PTPRT: variants seen among roughly 807,000 people sequenced by gnomAD.
PTPRT encodes the protein receptor-type tyrosine-protein phosphatase T.
PTPRT carries 56 observed loss-of-function variants against 176.8 expected under a neutral mutation model. The observed-to-expected ratio is 0.32, with a 90% CI of 0.26 to 0.40. PTPRT has a LOEUF of 0.40. PTPRT is among the 10% of genes least tolerant of loss of function. The pLI, the probability that PTPRT is intolerant of heterozygous loss-of-function variation, is 1.00. For synonymous variants in PTPRT, 783 were observed against 739.0 expected (o/e 1.06, Z -0.96); for missense variants, 1,540 against 1,908.2 (o/e 0.81, Z 3.60).
intron 15 of PTPRT, among the ~76,000 whole-genome samples, chr20:42,204,958 T>C (rs1230415061): frequency 2.0e-5 from 3 of 150,258 alleles, no homozygotes; most frequent in Admixed American, 1.3e-4. Flanking sequence ...GTTGGCTTGA[T>C]ACAACGAAGG....
intron 7 of PTPRT, among the ~76,000 whole-genome samples, chr20:42,585,179 C>T (rs1413622005): frequency 3.3e-5 from 5 of 152,284 alleles, no homozygotes; most frequent in Middle Eastern, 3.4e-3. Context: ...AAAGTAAGTT[C>T]CTTGACAGCA....
In PTPRT at chr20:43,068,854, A is replaced by C. The variant is rs2011146720; in HGVS notation, c.88+120792T>G. Among the ~76,000 whole-genome samples, 4 of 152,190 alleles carry C rather than the reference A, an allele frequency of 2.6e-5. 1 individual carries two copies. The South Asian group carries it at 8.3e-4, about 32-fold the overall frequency. On this transcript the variant is annotated intron_variant, in intron 1 of 30. Transcript: ENST00000373187. ...CCATGGAAAGGGTACAGTCAGTGGC[A>C]CCAAATGCTCCAAAAGCATGGAGGA... is the stretch of plus-strand genomic sequence containing the variant.
intron 2 of PTPRT, among the ~76,000 whole-genome samples, chr20:42,875,758 C>T (rs545809467): frequency 1.1e-4 from 17 of 152,292 alleles, no homozygotes; most frequent in African/African-American, 3.8e-4. Context: ...TAAGTGGCCA[C>T]AGTGCAGCTG....
intron 6 of PTPRT, among the ~76,000 whole-genome samples, chr20:42,689,195 C>G (rs779635633): frequency 1.3e-5 from 2 of 152,204 alleles, no homozygotes; most frequent in Non-Finnish European, 2.9e-5. Flanking sequence ...CCATATAAAC[C>G]CAAGACCTTA....
intron 1 of PTPRT, among the ~76,000 whole-genome samples, chr20:42,893,230 C>T (rs745969678): frequency 2.6e-4 from 39 of 152,206 alleles, no homozygotes; most frequent in African/African-American, 2.9e-4. Flanking sequence ...CAAAAGAAGA[C>T]GTTTATGCAG....
chr20:43,174,603 C>T (rs534894250), intron 1 of PTPRT, among the ~76,000 whole-genome samples: 8 of 152,294 alleles, frequency 5.3e-5, no homozygotes, highest in Admixed American at 2.6e-4. Context: ...GCATTTTCTG[C>T]TTTTCATTCC....
intron 1 of PTPRT, among the ~76,000 whole-genome samples, chr20:43,079,969 T>C (rs1008907488): frequency 6.6e-6 from 1 of 152,200 alleles, no homozygotes; most frequent in Non-Finnish European, 1.5e-5. Context: ...ACCATAATGT[T>C]TGCAGTAGGC....
intron 7 of PTPRT, among the ~76,000 whole-genome samples, chr20:42,639,358 T>C (rs2074684197): frequency 6.6e-6 from 1 of 152,142 alleles, no homozygotes; most frequent in South Asian, 2.1e-4. Flanking sequence ...TTCCCTGTTT[T>C]CCTCGTGGTA....
At position 42,201,313 on chromosome 20, in the gene PTPRT, CA is replaced by C. The variant is rs1488111644; in HGVS notation, c.2343-1926del. 5.3e-5 allele frequency among the ~76,000 whole-genome samples: 8 copies of C among 152,124 alleles called. No individual in the cohort carries two copies. In the East Asian group the frequency reaches 1.5e-3, roughly 29 times the overall value. ...AGACCCCATCAAACAAACAAACAAA[CA>C]AAAAACAGAAAAGAAAAGAAAGACC... On this transcript the variant is annotated intron_variant, in intron 15 of 30. Coordinates refer to ENST00000373187, the MANE Select transcript of PTPRT (RefSeq NM_007050.6).
chr20:42,696,192 ATCTC>A (rs989843439), intron 6 of PTPRT, among the ~76,000 whole-genome samples: 5 of 130,340 alleles, frequency 3.8e-5, no homozygotes, highest in African/African-American at 1.5e-4. Flanking sequence ...TCTCCCAATC[ATCTC>A]TCTCTTTCTC....
intron 11 of PTPRT, among the ~76,000 whole-genome samples, chr20:42,322,753 G>A (rs62208721): frequency 2.6e-5 from 4 of 151,864 alleles, no homozygotes; most frequent in East Asian, 1.9e-4. Context: ...GCCAAAATTG[G>A]CAAATGGGAT....
intron 1 of PTPRT, among the ~76,000 whole-genome samples, chr20:42,894,591 C>T (rs754283957): frequency 6.6e-6 from 1 of 152,078 alleles, no homozygotes; most frequent in South Asian, 2.1e-4. Flanking sequence ...TGAACCCAGA[C>T]TAGCTCAGTC....
rs977288797 is a variant in PTPRT at position 42,898,733 on chromosome 20, G to A, written c.89-12801C>T. Among the ~76,000 whole-genome samples, 4 of 152,104 alleles carry A rather than the reference G, an allele frequency of 2.6e-5. No homozygotes were observed. In the East Asian group the frequency reaches 5.8e-4, roughly 22 times the overall value. On this transcript the variant is annotated intron_variant, in intron 1 of 30. Transcript: ENST00000373187. ...TGGCAAGCAGATTCTGTCTTCTCAC[G>A]GGCCCCAGCCTTCCCAGGCACCAGT...
intron 16 of PTPRT, among the ~76,000 whole-genome samples, chr20:42,177,324 G>T (rs556336446): frequency 6.6e-6 from 1 of 152,288 alleles, no homozygotes; most frequent in East Asian, 1.9e-4. Context: ...GTTCTTTAAA[G>T]GTCCTGGAAT....
chr20:43,077,320 C>A (rs1231143895), intron 1 of PTPRT, among the ~76,000 whole-genome samples: 2 of 152,190 alleles, frequency 1.3e-5, no homozygotes, highest in Non-Finnish European at 2.9e-5. Flanking sequence ...TGAAAACAGG[C>A]TGCACAGCTC....
intron 1 of PTPRT, among the ~76,000 whole-genome samples, chr20:43,110,755 G>A (rs2012821845): frequency 6.6e-6 from 1 of 152,192 alleles, no homozygotes; most frequent in Admixed American, 6.5e-5. Flanking sequence ...GGCACTCGGG[G>A]TGAGAAGTGA....
intron 15 of PTPRT, among the ~76,000 whole-genome samples, chr20:42,209,847 A>C (rs1462343669): frequency 6.6e-6 from 1 of 152,204 alleles, no homozygotes; most frequent in Non-Finnish European, 1.5e-5. Flanking sequence ...ACAACAAAAA[A>C]AGAGAATTTT....
intron 1 of PTPRT, among the ~76,000 whole-genome samples, chr20:43,003,903 CT>C (rs1287016407): frequency 6.6e-6 from 1 of 152,086 alleles, no homozygotes; most frequent in Non-Finnish European, 1.5e-5. Flanking sequence ...GTTGAAATTT[CT>C]AGCAAAAAGA....
intron 16 of PTPRT, among the ~76,000 whole-genome samples, chr20:42,169,257 T>C (rs1472723914): frequency 3.9e-5 from 6 of 152,032 alleles, no homozygotes; most frequent in Admixed American, 6.6e-5. Flanking sequence ...GCAGATTCAG[T>C]GTTAGGAAGC....
Sources: allele counts gnomAD v4.1 joint callset (sites outside exome capture counted in the v4.1 genomes callset), GRCh38; gene constraint gnomAD v4.1.1; transcripts MANE v1.5; gene names NCBI Gene and HGNC (gene_info 2026-07-23, HGNC 2026-07-21).